PPM1A: variants seen among roughly 807,000 people sequenced by gnomAD.
PPM1A encodes protein phosphatase 1A.
PPM1A carries 7 observed loss-of-function variants against 35.0 expected under a neutral mutation model. The observed-to-expected ratio is 0.20, with a 90% CI of 0.11 to 0.38. PPM1A has a LOEUF of 0.38. Ranked by LOEUF, PPM1A falls within the 10% of genes least tolerant of loss-of-function variation. The probability of loss-of-function intolerance (pLI) is 1.00; values close to 1 mark genes in which losing one functional copy is unlikely to be tolerated. For missense variants in PPM1A, 239 were observed against 467.8 expected (o/e 0.51, Z 4.51); for synonymous variants, 153 against 167.3 (o/e 0.91, Z 0.66).
intron 1 of PPM1A, among the ~76,000 whole-genome samples, chr14:60,272,750 C>G (rs987295457): frequency 2.7e-5 from 4 of 145,708 alleles, no homozygotes; most frequent in African/African-American, 1.0e-4. Context: ...CTCAGATGCT[C>G]TTTATATCCA....
At position 60,283,444 on chromosome 14, in the gene PPM1A, T is replaced by C. The variant is rs1302159814; in HGVS notation, c.741T>C (p.Asn247=). The C allele has an allele frequency of 6.2e-7, 1 of 1,614,118 alleles. No individual in the cohort carries two copies. Among genetic ancestry groups the C allele is most frequent in the South Asian group, 1.1e-5 (1 of 91,086 alleles). Residue 247 remains asparagine, a synonymous_variant, in exon 2 of 6, where the codon AAT becomes AAC. Transcript: ENST00000395076. This position sits in a 1 kb window ranked among gnomAD's most constrained non-coding sequence, Gnocchi z 6.3. ...ATGGTATCTGGGATGTTATGGGAAA[T>C]GAAGAGCTCTGTGATTTTGTAAGAT... ...ACDGIWDVMG[N]EELCDFVRSR...
intron 1 of PPM1A, among the ~76,000 whole-genome samples, chr14:60,261,468 A>G (rs1309073044): frequency 6.6e-6 from 1 of 152,152 alleles, no homozygotes; most frequent in African/African-American, 2.4e-5. Context: ...TATCCTTAAG[A>G]TATTTTCTTT....
intron 1 of PPM1A, among the ~76,000 whole-genome samples, chr14:60,267,999 A>T (rs1884595626): frequency 1.3e-5 from 2 of 152,142 alleles, no homozygotes; most frequent in Admixed American, 1.3e-4. Context: ...ACCATAGTTC[A>T]ATTATCAAAT....
rs1886577976 is a variant in PPM1A, at chr14:60,283,003, A to G, written c.300A>G (p.Gly100=). 1 of 1,614,108 alleles carries G rather than the reference A, an allele frequency of 6.2e-7. No homozygotes were observed. Among genetic ancestry groups the G allele is most frequent in the Admixed American group, 1.7e-5 (1 of 60,012 alleles). ...CTTCTGTGGAAAATGTAAAGAATGG[A>G]ATCAGAACAGGTTTTCTGGAGATTG... is the stretch of plus-strand genomic sequence containing the variant. ...GAPSVENVKN[G]IRTGFLEIDE... The change falls in exon 2 of 6, where the codon GGA becomes GGG. Residue 100 remains glycine (G), a synonymous_variant. Transcript: ENST00000395076. The surrounding 1 kb of genome is among the most constrained non-coding windows in gnomAD (Gnocchi z 6.3).
At chr14:60,284,466 C>G (rs1267513307) in intron 2 of PPM1A, among the ~76,000 whole-genome samples, 1 of 151,814 alleles carries the variant, frequency 6.6e-6, no homozygotes, top group Admixed American at 6.6e-5. Context: ...ACAGTGAAAC[C>G]CCGTCTCTAC....
Position 60,294,117 on chromosome 14 carries a change from C to T in PPM1A, c.*1635C>T, listed in dbSNP as rs900004727. On this transcript the variant is annotated 3_prime_UTR_variant, in exon 6 of 6. Transcript: ENST00000395076. ...GTCCATTTTGTTATATTTGTTTTTT[C>T]CCTAACTTGGAAATATACATATTTG... The T allele has an allele frequency of 1.3e-5, 2 of 151,732 alleles. No individual in the cohort carries two copies. Among genetic ancestry groups the T allele is most frequent in the Admixed American group, 6.6e-5 (1 of 15,218 alleles). 9.4% of individuals were successfully genotyped at this position (151,732 alleles called of 1,614,324 possible).
At chr14:60,274,194 T>A in intron 1 of PPM1A, among the ~76,000 whole-genome samples, 1 of 152,158 alleles carries the variant, frequency 6.6e-6, no homozygotes, top group East Asian at 1.9e-4. Flanking sequence ...GTGTAGCATC[T>A]TGAAAGGCCA....
chr14:60,291,506 CA>C (rs1448196719), intron 5 of PPM1A, 52 bp downstream of exon 5: 1 of 1,399,746 alleles, frequency 7.1e-7, no homozygotes, highest in Admixed American at 1.9e-5. Flanking sequence ...ACTCTAAATG[CA>C]TATCCTTCCT....
At chr14:60,281,904 A>G (rs957265180) in intron 1 of PPM1A, among the ~76,000 whole-genome samples, 2 of 152,216 alleles carry the variant, frequency 1.3e-5, no homozygotes, top group Non-Finnish European at 1.5e-5. Flanking sequence ...ATAGATTACT[A>G]GTAGTAATTT....
At chr14:60,270,110 T>A (rs1207555050) in intron 1 of PPM1A, among the ~76,000 whole-genome samples, 1 of 152,242 alleles carries the variant, frequency 6.6e-6, no homozygotes, top group Non-Finnish European at 1.5e-5. Flanking sequence ...TCTACTTGTT[T>A]TTGTTTCTTT....
At chr14:60,271,113 C>G (rs574305415) in intron 1 of PPM1A, among the ~76,000 whole-genome samples, 1 of 152,286 alleles carries the variant, frequency 6.6e-6, no homozygotes, top group South Asian at 2.1e-4. Flanking sequence ...TTTTCACCTT[C>G]CAGTGGCTGT....
chr14:60,291,275 A>T, intron 4 of PPM1A, 122 bp from the exon 5 acceptor site: 1 of 617,128 alleles, frequency 1.6e-6, no homozygotes, highest in Non-Finnish European at 2.6e-6. Context: ...AGCAAGAAAT[A>T]GAACTAAAAT....
chr14:60,291,320 A>G (rs1887609619), intron 4 of PPM1A, 77 bp from the exon 5 acceptor site: 3 of 1,026,512 alleles, frequency 2.9e-6, no homozygotes, highest in Non-Finnish European at 4.3e-6. Context: ...AGAAATTTTA[A>G]TAAACACCTG....
intron 1 of PPM1A, among the ~76,000 whole-genome samples, chr14:60,251,837 C>A (rs1043667511): frequency 6.6e-6 from 1 of 150,668 alleles, no homozygotes; most frequent in Non-Finnish European, 1.5e-5. Context: ...TAGGGAAACT[C>A]TTGAGAGGAA....
At chr14:60,261,025 C>T (rs1361798729) in intron 1 of PPM1A, among the ~76,000 whole-genome samples, 1 of 152,132 alleles carries the variant, frequency 6.6e-6, no homozygotes, top group Non-Finnish European at 1.5e-5. Context: ...AATTGTTCAG[C>T]AGCCTCTCAA....
intron 1 of PPM1A, among the ~76,000 whole-genome samples, chr14:60,257,890 C>T (rs1883318673): frequency 6.6e-6 from 1 of 152,070 alleles, no homozygotes. Context: ...TGCAGTATGC[C>T]ATCATACCTC....
In PPM1A at chr14:60,295,307, CT is replaced by C. The variant is rs1887975035; in HGVS notation, c.*2829del. ...TAATTTCCACTTTCTTGGGAATATA[CT>C]TTTATAGACAATAGAAGCAGTTCTC... On this transcript the variant is annotated 3_prime_UTR_variant, in exon 6 of 6. Transcript: ENST00000395076. The C allele has an allele frequency of 6.6e-6, 1 of 151,576 alleles. No homozygotes were observed. Among genetic ancestry groups the C allele is most frequent in the Admixed American group, 6.6e-5 (1 of 15,166 alleles). 9.4% of individuals were successfully genotyped at this position (151,576 alleles called of 1,614,324 possible). A position where few individuals can be genotyped will look rare whatever the true frequency, so the allele number is the denominator to read the frequency against.
At chr14:60,246,959 A>C (rs189076450), upstream of PPM1A, among the ~76,000 whole-genome samples, 10 of 152,334 alleles carry the variant, frequency 6.6e-5, no homozygotes, top group African/African-American at 2.2e-4. Flanking sequence ...AAGGTGTGGA[A>C]GCCTAAAGGA....
At chr14:60,252,318 A>T (rs902496210) in intron 1 of PPM1A, among the ~76,000 whole-genome samples, 7 of 152,236 alleles carry the variant, frequency 4.6e-5, no homozygotes, top group Non-Finnish European at 7.3e-5. Flanking sequence ...TAATATAACA[A>T]GGTGATATTT....
Sources: gnomAD v4.1 joint callset for allele counts (sites outside exome capture counted in the v4.1 genomes callset) on GRCh38, gnomAD v4.1.1 for gene constraint, Gnocchi (gnomAD v3.1) non-coding constraint, MANE v1.5 for transcripts, NCBI Gene and HGNC (gene_info 2026-07-23, HGNC 2026-07-21) for gene names.